Variants in TEC observed in about 807,000 individuals in gnomAD.
TEC encodes the protein tec protein tyrosine kinase.
A neutral mutation model predicts 93.0 loss-of-function variants in TEC; 72 were observed. The observed-to-expected ratio is 0.77, with a 90% CI of 0.64 to 0.94. The LOEUF (loss-of-function observed/expected upper bound fraction) is 0.94, where lower values mean the gene tolerates loss of function less well. Ranked by LOEUF, TEC falls within the 40% of genes least tolerant of loss-of-function variation. TEC has a pLI of 0.00. For synonymous variants in TEC, 249 were observed against 247.7 expected (o/e 1.01, Z -0.05); for missense variants, 630 against 757.9 (o/e 0.83, Z 1.98).
intron 1 of TEC, among the ~76,000 whole-genome samples, chr4:48,258,145 GT>G (rs56341256): frequency 1.6e-4 from 22 of 139,918 alleles, no homozygotes; most frequent in Non-Finnish European, 2.4e-4. Flanking sequence ...TGTTTTTTTG[GT>G]TTTTTTTTTT....
intron 1 of TEC, among the ~76,000 whole-genome samples, chr4:48,243,611 C>T (rs1410701531): frequency 6.6e-6 from 1 of 152,244 alleles, no homozygotes; most frequent in African/African-American, 2.4e-5. Context: ...AAAACATGGC[C>T]ATTAAGATAC....
chr4:48,164,762 G>A (rs572043049), intron 7 of TEC, among the ~76,000 whole-genome samples: 1 of 152,102 alleles, frequency 6.6e-6, no homozygotes, highest in Non-Finnish European at 1.5e-5. Context: ...AGCACTTTAG[G>A]AGGCCAAGGC....
chr4:48,248,993 T>G (rs1724131341), intron 1 of TEC, among the ~76,000 whole-genome samples: 2 of 152,138 alleles, frequency 1.3e-5, no homozygotes, highest in South Asian at 4.1e-4. Context: ...GTTTGGAGCT[T>G]CTCAAAATAT....
At chr4:48,172,179 T>C (rs1028198842) in intron 3 of TEC, among the ~76,000 whole-genome samples, 1 of 152,222 alleles carries the variant, frequency 6.6e-6, no homozygotes, top group African/African-American at 2.4e-5. Flanking sequence ...GTCTTATTTT[T>C]AACATTTCTA....
At chr4:48,187,455 A>T (rs193087754) in intron 2 of TEC, among the ~76,000 whole-genome samples, 1 of 151,262 alleles carries the variant, frequency 6.6e-6, no homozygotes, top group Admixed American at 6.6e-5. Flanking sequence ...AAAAAAAGAA[A>T]TATGAAGGCA....
intron 2 of TEC, among the ~76,000 whole-genome samples, chr4:48,195,610 C>A (rs1198173448): frequency 1.3e-5 from 2 of 152,114 alleles, no homozygotes; most frequent in Admixed American, 1.3e-4. Context: ...AGTGACTCTG[C>A]CAAAGTAATG....
At chr4:48,195,529 C>T (rs899434523) in intron 2 of TEC, among the ~76,000 whole-genome samples, 3 of 152,242 alleles carry the variant, frequency 2.0e-5, no homozygotes, top group South Asian at 4.1e-4. Context: ...TACAACTGCT[C>T]GTACAGGTCG....
intron 1 of TEC, among the ~76,000 whole-genome samples, chr4:48,248,084 C>T (rs766768399): frequency 3.3e-5 from 5 of 152,176 alleles, no homozygotes; most frequent in Admixed American, 6.5e-5. Flanking sequence ...AGACACAGGT[C>T]ACACTGCAGA....
At chr4:48,193,925 C>T (rs16861112) in intron 2 of TEC, among the ~76,000 whole-genome samples, 25,167 of 152,042 alleles carry the variant, frequency 0.17, 3,196 homozygotes, top group African/African-American at 0.36. Context: ...TAGGGCAAGA[C>T]AGAAAATGCA....
At chr4:48,141,290 C>T (rs1005588729) in intron 15 of TEC, 65 bp downstream of exon 15, 4 of 1,402,584 alleles carry the variant, frequency 2.9e-6, no homozygotes, top group Non-Finnish European at 4.0e-6. Flanking sequence ...CAAATTATTC[C>T]CACACTTATT....
intron 1 of TEC, among the ~76,000 whole-genome samples, chr4:48,230,665 G>A (rs1319390467): frequency 6.6e-6 from 1 of 152,174 alleles, no homozygotes; most frequent in Admixed American, 6.5e-5. Flanking sequence ...GACCTGCAGA[G>A]TAAAGCTAAA....
intron 2 of TEC, among the ~76,000 whole-genome samples, chr4:48,200,309 T>G (rs1323865955): frequency 2.0e-5 from 3 of 152,030 alleles, no homozygotes; most frequent in Admixed American, 2.0e-4. Context: ...GAATTGCAGA[T>G]CAATGTGGAC....
intron 2 of TEC, among the ~76,000 whole-genome samples, chr4:48,193,162 A>ATT (rs71654900): frequency 5.0e-4 from 73 of 146,836 alleles, no homozygotes; most frequent in African/African-American, 1.6e-3. Flanking sequence ...TTTTTTTCTG[A>ATT]TTTTTTTTTT....
intron 2 of TEC, among the ~76,000 whole-genome samples, chr4:48,227,936 G>A (rs141964242): frequency 1.1e-4 from 16 of 152,068 alleles, no homozygotes; most frequent in Non-Finnish European, 1.8e-4. Context: ...TCTGTGCCAC[G>A]TGCTCACCGG....
chr4:48,250,206 T>A (rs887664119), intron 1 of TEC, among the ~76,000 whole-genome samples: 1 of 152,212 alleles, frequency 6.6e-6, no homozygotes, highest in Non-Finnish European at 1.5e-5. Flanking sequence ...AATGGCCTCA[T>A]AATCTCCCCA....
chr4:48,258,698 T>C (rs1252832201), intron 1 of TEC, among the ~76,000 whole-genome samples: 1 of 152,038 alleles, frequency 6.6e-6, no homozygotes, highest in Admixed American at 6.6e-5. Flanking sequence ...CCCAACTTAT[T>C]GCTGACTGAA....
chr4:48,253,572 CTTTT>C (rs34702593), intron 1 of TEC, among the ~76,000 whole-genome samples: 1 of 131,916 alleles, frequency 7.6e-6, no homozygotes, highest in Non-Finnish European at 1.6e-5. Context: ...ATGTCCAATT[CTTTT>C]TTTTTTTTTT....
chr4:48,182,663 T>TAAGATG (rs943315200), intron 2 of TEC, among the ~76,000 whole-genome samples: 2 of 151,942 alleles, frequency 1.3e-5, no homozygotes, highest in African/African-American at 4.8e-5. Context: ...AATGAGGCAT[T>TAAGATG]AAGATGAAAT....
At chr4:48,184,152 T>A (rs1260816468) in intron 2 of TEC, among the ~76,000 whole-genome samples, 1 of 152,210 alleles carries the variant, frequency 6.6e-6, no homozygotes, top group African/African-American at 2.4e-5. Flanking sequence ...CTCACAGCAT[T>A]ATAACATGAG....
Sources: allele counts gnomAD v4.1 joint callset (sites outside exome capture counted in the v4.1 genomes callset), GRCh38; gene constraint gnomAD v4.1.1; transcripts MANE v1.5; gene names NCBI Gene and HGNC (gene_info 2026-07-23, HGNC 2026-07-21).